Variants in IL12RB1 observed in about 807,000 individuals in gnomAD.
The protein encoded by IL12RB1 is interleukin 12 receptor subunit beta 1.
IL12RB1 carries 64 observed loss-of-function variants against 94.4 expected under a neutral mutation model. That is an observed-to-expected ratio of 0.68 (90% CI 0.55 to 0.83). The LOEUF is 0.83. Among genes scored for constraint, IL12RB1 ranks in the 40% least tolerant of loss-of-function variants. IL12RB1 has a pLI of 0.00. For missense variants in IL12RB1, 814 were observed against 855.6 expected, an observed-to-expected ratio of 0.95 and a Z score of 0.61; for synonymous variants, 362 against 355.5, an observed-to-expected ratio of 1.02 and a Z score of -0.21.
intron 9 of IL12RB1, chr19:18,071,377 G>A: frequency 2.0e-6 from 2 of 1,010,884 alleles, no homozygotes; most frequent in Non-Finnish European, 2.7e-6. Context: ...ATAAACACAG[G>A]GTCAACTCTA....
At chr19:18,083,309 C>T in intron 2 of IL12RB1, 123 bp downstream of exon 2, 2 of 963,280 alleles carry the variant, frequency 2.1e-6, no homozygotes, top group South Asian at 2.6e-5. Flanking sequence ...GTGGGGACTC[C>T]CAAGACCACA....
chr19:18,069,803 C>T, intron 9 of IL12RB1, 90 bp from the exon 10 acceptor site: 2 of 945,226 alleles, frequency 2.1e-6, no homozygotes, highest in Non-Finnish European at 3.4e-6. Context: ...CTCCCACCCT[C>T]TCGTCTATAC....
chr19:18,086,746 G>A lies in IL12RB1; in HGVS notation c.64+14C>T. The A allele has an allele frequency of 3.1e-6, 5 of 1,606,222 alleles. No homozygotes were observed. Among genetic ancestry groups the A allele is most frequent in the Non-Finnish European group, 4.2e-6 (5 of 1,176,552 alleles). ...CAGCAAGAGGAGCCGCCATGCCAGGGTCAGGGGACTCACCGCCCTGCCTGG... is the reference window on the plus strand; with the variant it reads ...CAGCAAGAGGAGCCGCCATGCCAGGATCAGGGGACTCACCGCCCTGCCTGG... On this transcript the variant is annotated intron_variant, in intron 1 of 16. Transcript: ENST00000593993.
In IL12RB1 at chr19:18,073,613, C is replaced by G; in HGVS notation, c.701-14G>C. The G allele has an allele frequency of 6.5e-7, 1 of 1,531,592 alleles. No individual in the cohort carries two copies. The highest frequency in any genetic ancestry group is 9.0e-7 in the Non-Finnish European group (1 of 1,105,588). 94.9% of individuals were successfully genotyped at this position (1,531,592 alleles called of 1,614,324 possible). The stretch of plus-strand genomic sequence containing the variant: ...GTGGGGGGTTTTCTGCAATCAGAAC[C>G]AAACCAACTAGACGAATTGGAAGGA... On this transcript the variant is annotated splice_polypyrimidine_tract_variant and intron_variant, in intron 7 of 16. Transcript: ENST00000593993.
Position 18,073,550 on chromosome 19 carries a change from C to G in IL12RB1, c.750G>C (p.Gln250His). ...TCAGGGTCAGCCGCCTCCTCCCATC[C>G]TGGCCCAGCTGCTCCACCGAGAATC... is the stretch of plus-strand genomic sequence containing the variant. ...QVRFSVEQLG[Q>H]DGRRRLTLKE... Residue 250 changes from glutamine (Q) to histidine (H), a missense_variant, in exon 8 of 17, where the codon CAG (glutamine) becomes CAC (histidine). Physicochemically the swap from Gln to His is conservative, Grantham distance 24. Transcript: ENST00000593993. 1.2e-6 allele frequency: 2 copies of G among 1,607,672 alleles called. No homozygotes were observed. Among genetic ancestry groups the G allele is most frequent in the Non-Finnish European group, 1.7e-6 (2 of 1,177,232 alleles).
chr19:18,072,297 T>G lies in IL12RB1; in HGVS notation c.836A>C (p.Glu279Ala). ...GTGGAGCTGTAGTCGGTAAGTGACC[T>G]CCGTGCCAGGCGCCAGCCCTTGACA... ...EGCQGLAPGT[E>A]VTYRLQLHML... The change falls in exon 9 of 17, where the codon GAG (glutamate) becomes GCG (alanine). Residue 279 changes from glutamate (E) to alanine (A), a missense_variant. By Grantham distance (107) the Glu-to-Ala change is moderately radical. Coordinates refer to ENST00000593993, the MANE Select transcript of IL12RB1 (RefSeq NM_005535.3). The G allele has an allele frequency of 1.2e-6, 2 of 1,613,988 alleles. No individual in the cohort carries two copies. The highest frequency in any genetic ancestry group is 1.7e-6 in the Non-Finnish European group (2 of 1,179,986).
At position 18,059,299 on chromosome 19, in the gene IL12RB1, C is replaced by A; in HGVS notation, c.*309G>T. Reference sequence around the variant, plus strand: ...CATCCAGTGCTCCTGGGGGTGGATGCCCAGCCCAGGGTCCAGGGATCCATC... The same window carrying A: ...CATCCAGTGCTCCTGGGGGTGGATGACCAGCCCAGGGTCCAGGGATCCATC... On this transcript the variant is annotated 3_prime_UTR_variant, in exon 17 of 17. Coordinates refer to ENST00000593993, the MANE Select transcript of IL12RB1 (RefSeq NM_005535.3). The A allele has an allele frequency of 2.0e-6, 1 of 500,326 alleles. No homozygotes were observed. The highest frequency in any genetic ancestry group is 2.1e-5 in the South Asian group (1 of 47,114). The allele number at this position is 500,326 out of a possible 1,614,324, so 31.0% of individuals were successfully genotyped here.
intron 1 of IL12RB1, among the ~76,000 whole-genome samples, chr19:18,093,974 G>T (rs955219172): frequency 2.0e-5 from 3 of 152,198 alleles, no homozygotes; most frequent in Admixed American, 6.5e-5. Flanking sequence ...TCTAAAGAGG[G>T]TGTTGAAGGA....
At chr19:18,073,100 G>A (rs1479266951) in intron 8 of IL12RB1, among the ~76,000 whole-genome samples, 1 of 152,118 alleles carries the variant, frequency 6.6e-6, no homozygotes, top group Non-Finnish European at 1.5e-5. Context: ...GTATTTGTCA[G>A]TTTTGTCTCA....
At position 18,059,534 on chromosome 19, in the gene IL12RB1, T is replaced by C. The variant is rs1297189865; in HGVS notation, c.*74A>G. The stretch of plus-strand genomic sequence containing the variant: ...GGAGCCTGGAGGAGCTCTGGGTTAT[T>C]TGGGTCCAAATGTGACTCCTGTGTG... On this transcript the variant is annotated 3_prime_UTR_variant, in exon 17 of 17. Transcript: ENST00000593993. 7 of 767,296 alleles carry C rather than the reference T, an allele frequency of 9.1e-6. No homozygotes were observed. The highest frequency in any genetic ancestry group is 1.2e-5 in the Non-Finnish European group (5 of 411,284). The allele number at this position is 767,296 out of a possible 1,614,324, so 47.5% of individuals were successfully genotyped here.
intron 12 of IL12RB1, among the ~76,000 whole-genome samples, chr19:18,065,590 G>A (rs576621878): frequency 6.6e-6 from 1 of 152,088 alleles, no homozygotes; most frequent in African/African-American, 2.4e-5. Context: ...AGGCCAAGGC[G>A]GGTGATTCAC....
At chr19:18,064,541 C>G (rs1296562988) in intron 12 of IL12RB1, among the ~76,000 whole-genome samples, 2 of 151,352 alleles carry the variant, frequency 1.3e-5, no homozygotes, top group African/African-American at 4.9e-5. Context: ...GGCACAATCT[C>G]AGCTCACTGC....
intron 5 of IL12RB1, among the ~76,000 whole-genome samples, chr19:18,076,771 T>C (rs2035510933): frequency 6.6e-6 from 1 of 152,112 alleles, no homozygotes; most frequent in Admixed American, 6.6e-5. Context: ...TAGAGAACCT[T>C]CTCTAGGTTC....
Position 18,060,092 on chromosome 19 carries a change from AG to A in IL12RB1, c.1792-8del. 1 of 1,536,372 alleles carries A rather than the reference AG, an allele frequency of 6.5e-7. No individual in the cohort carries two copies. Among genetic ancestry groups the A allele is most frequent in the Non-Finnish European group, 9.0e-7 (1 of 1,112,334 alleles). ...GGTTGATCCACTGCCAAGTCTGCAG[AG>A]GGAGGGTAGGGCCACAGCTGTGAGC... On this transcript the variant is annotated splice_region_variant and splice_polypyrimidine_tract_variant and intron_variant, in intron 15 of 16. Transcript: ENST00000593993.
At position 18,059,424 on chromosome 19, in the gene IL12RB1, G is replaced by A. The variant is rs2033960290; in HGVS notation, c.*184C>T. On this transcript the variant is annotated 3_prime_UTR_variant, in exon 17 of 17. Coordinates refer to ENST00000593993, the MANE Select transcript of IL12RB1 (RefSeq NM_005535.3). Reference sequence around the variant, plus strand: ...CGGATGCCAGGCCCAGCAGGGTGCAGCAGCTTCCATTTCATGGCAGCATCT... The same window carrying A: ...CGGATGCCAGGCCCAGCAGGGTGCAACAGCTTCCATTTCATGGCAGCATCT... 4 of 660,004 alleles carry A rather than the reference G, an allele frequency of 6.1e-6. No individual in the cohort carries two copies. Among genetic ancestry groups the A allele is most frequent in the Admixed American group, 2.2e-5 (1 of 45,510 alleles). The allele number at this position is 660,004 out of a possible 1,614,324, so 40.9% of individuals were successfully genotyped here.
chr19:18,097,793 A>C, intron 1 of IL12RB1: 3 of 1,218,698 alleles, frequency 2.5e-6, no homozygotes, highest in Non-Finnish European at 3.1e-6. Flanking sequence ...CTCCCGGGCC[A>C]TGGACGAGTC....
intron 4 of IL12RB1, among the ~76,000 whole-genome samples, 195 bp downstream of exon 4, chr19:18,080,637 C>T (rs1303965629): frequency 6.6e-6 from 1 of 152,104 alleles, no homozygotes; most frequent in Non-Finnish European, 1.5e-5. Flanking sequence ...TCTAAGTGCC[C>T]ACGAATAGGG....
At chr19:18,078,372 C>T (rs2035634223) in intron 4 of IL12RB1, among the ~76,000 whole-genome samples, 1 of 151,842 alleles carries the variant, frequency 6.6e-6, no homozygotes, top group African/African-American at 2.4e-5. Flanking sequence ...CCACCACTGC[C>T]CTCCGGCCTG....
chr19:18,076,609 G>T (rs376202308), intron 5 of IL12RB1, among the ~76,000 whole-genome samples: 1 of 152,018 alleles, frequency 6.6e-6, no homozygotes, highest in Admixed American at 6.6e-5. Flanking sequence ...TCACCATGTT[G>T]CCCAGGCTGG....
Sources: allele counts gnomAD v4.1 joint callset (sites outside exome capture counted in the v4.1 genomes callset), GRCh38; gene constraint gnomAD v4.1.1; transcripts MANE v1.5; gene names NCBI Gene and HGNC (gene_info 2026-07-23, HGNC 2026-07-21).